Variants in KCNAB1 observed in about 807,000 individuals in gnomAD.
KCNAB1 encodes potassium voltage-gated channel subfamily A regulatory beta subunit 1, also known as voltage-gated potassium channel subunit beta-1.
KCNAB1 carries 35 observed loss-of-function variants against 64.6 expected under a neutral mutation model. The ratio of observed to expected loss-of-function variants is 0.54; its 90% CI spans 0.41 to 0.72. KCNAB1 has a LOEUF of 0.72. Among genes scored for constraint, KCNAB1 ranks in the 30% least tolerant of loss-of-function variants. The pLI is 0.00. For synonymous variants in KCNAB1, 177 were observed against 183.8 expected, an observed-to-expected ratio of 0.96 and a Z score of 0.30; for missense variants, 401 against 512.9, an observed-to-expected ratio of 0.78 and a Z score of 2.11.
intron 8 of KCNAB1, among the ~76,000 whole-genome samples, chr3:156,492,973 C>T (rs866000971): frequency 1.3e-5 from 2 of 152,124 alleles, no homozygotes; most frequent in Non-Finnish European, 2.9e-5. Context: ...AGCATTGACT[C>T]TTTAAATACT....
intron 2 of KCNAB1, among the ~76,000 whole-genome samples, chr3:156,433,025 C>T (rs1008093374): frequency 6.6e-6 from 1 of 152,134 alleles, no homozygotes; most frequent in African/African-American, 2.4e-5. Context: ...TTAGACACTG[C>T]GACTGACTCG....
chr3:156,228,536 C>T (rs1344908646), intron 1 of KCNAB1, among the ~76,000 whole-genome samples: 1 of 152,178 alleles, frequency 6.6e-6, no homozygotes, highest in African/African-American at 2.4e-5. Flanking sequence ...CCTGCCTCTT[C>T]GGGGTTCTAT....
intron 2 of KCNAB1, among the ~76,000 whole-genome samples, chr3:156,437,625 T>A (rs927372432): frequency 1.3e-5 from 2 of 152,212 alleles, no homozygotes; most frequent in Admixed American, 1.3e-4. Context: ...TATTTTTTTT[T>A]ATTTCACATT....
chr3:156,515,480 TC>T (rs2108393339), intron 10 of KCNAB1, among the ~76,000 whole-genome samples: 1 of 104,826 alleles, frequency 9.5e-6, no homozygotes, highest in African/African-American at 4.4e-5. Flanking sequence ...CAGCAGGTGT[TC>T]AAAAAAAAAA....
At chr3:156,217,370 T>A (rs2108404932) in intron 1 of KCNAB1, among the ~76,000 whole-genome samples, 1 of 152,338 alleles carries the variant, frequency 6.6e-6, no homozygotes, top group East Asian at 1.9e-4. Flanking sequence ...TAAAGTTTCA[T>A]GTCACATTAT....
intron 10 of KCNAB1, 21 bp from the exon 11 acceptor site, chr3:156,516,249 T>A (rs1165160448): frequency 8.2e-6 from 13 of 1,592,202 alleles, no homozygotes; most frequent in Non-Finnish European, 1.1e-5. Flanking sequence ...CAAGCAACTT[T>A]CTAAGTTTTT....
At chr3:156,443,988 A>G (rs1371840270) in intron 2 of KCNAB1, among the ~76,000 whole-genome samples, 2 of 152,198 alleles carry the variant, frequency 1.3e-5, no homozygotes, top group Non-Finnish European at 2.9e-5. Flanking sequence ...AAAGGTAATG[A>G]AAGTAAAAAA....
chr3:156,221,074 A>G (rs1286376508), intron 1 of KCNAB1, among the ~76,000 whole-genome samples: 2 of 152,180 alleles, frequency 1.3e-5, no homozygotes, highest in African/African-American at 2.4e-5. Flanking sequence ...CCATTGGTCT[A>G]TATCTCTGTT....
rs546127029 is a variant in KCNAB1, at chr3:156,395,311, C to A, written c.276-26305C>A. Among the ~76,000 whole-genome samples the A allele has an allele frequency of 4.7e-5, 7 of 149,440 alleles. No individual in the cohort carries two copies. The South Asian group carries it at 1.3e-3, about 27-fold the overall frequency. On this transcript the variant is annotated intron_variant, in intron 1 of 13. Coordinates refer to ENST00000490337, the MANE Select transcript of KCNAB1 (RefSeq NM_172160.3). ...CTGTAATCCCAGCACTTTGGGAGGC[C>A]GAGGCGGGCGGATCACGAGGTCAGG...
chr3:156,370,514 A>G (rs951974748), intron 1 of KCNAB1, among the ~76,000 whole-genome samples: 1 of 152,220 alleles, frequency 6.6e-6, no homozygotes, highest in East Asian at 1.9e-4. Context: ...ATGCCCCAGG[A>G]CACTAAGAGG....
At chr3:156,224,383 G>A (rs1338306069) in intron 1 of KCNAB1, among the ~76,000 whole-genome samples, 2 of 152,256 alleles carry the variant, frequency 1.3e-5, no homozygotes, top group Admixed American at 6.5e-5. Flanking sequence ...ACAGTGCAGC[G>A]GCGGGCTGAA....
intron 1 of KCNAB1, among the ~76,000 whole-genome samples, chr3:156,214,388 A>G (rs1299947851): frequency 3.9e-5 from 6 of 152,226 alleles, no homozygotes; most frequent in East Asian, 1.9e-4. Flanking sequence ...GGCACTTAGT[A>G]TCATCTGGTT....
chr3:156,143,018 C>A (rs1011338554), intron 1 of KCNAB1: 22 of 1,335,744 alleles, frequency 1.6e-5, no homozygotes, highest in Admixed American at 3.6e-5. Flanking sequence ...ACTTAGGAGC[C>A]TGCTCGCCTA....
intron 8 of KCNAB1, among the ~76,000 whole-genome samples, chr3:156,505,667 G>T (rs541907117): frequency 7.9e-5 from 12 of 152,068 alleles, no homozygotes; most frequent in Non-Finnish European, 1.5e-4. Context: ...TTGCTATAAA[G>T]AAATACCTGA....
intron 12 of KCNAB1, among the ~76,000 whole-genome samples, chr3:156,529,464 T>A (rs58308618): frequency 6.7e-6 from 1 of 148,944 alleles, no homozygotes; most frequent in Non-Finnish European, 1.5e-5. Flanking sequence ...ATTTTTGATG[T>A]ATAAATTTTA....
chr3:156,378,936 A>T (rs536274589), intron 1 of KCNAB1, among the ~76,000 whole-genome samples: 1 of 152,308 alleles, frequency 6.6e-6, no homozygotes, highest in African/African-American at 2.4e-5. Flanking sequence ...CTGGCATGGG[A>T]ACCATTCCAG....
At chr3:156,367,235 T>G (rs2060643) in intron 1 of KCNAB1, among the ~76,000 whole-genome samples, 60,072 of 149,162 alleles carry the variant, frequency 0.4, 14,665 homozygotes, top group African/African-American at 0.7. Context: ...GAGTGCAGTG[T>G]TGCAATCTTG....
rs113089193 is a variant in KCNAB1 at position 156,534,843 on chromosome 3, A to G, written c.1171-1815A>G. ...AATCTGTAGTAGTTTACAATGTTTC[A>G]AAGTGGGGCTTCTCTTGAAAATTCT... is the stretch of plus-strand genomic sequence containing the variant. On this transcript the variant is annotated intron_variant, in intron 13 of 13. Coordinates refer to ENST00000490337, the MANE Select transcript of KCNAB1 (RefSeq NM_172160.3). Among the ~76,000 whole-genome samples the G allele has an allele frequency of 3.0e-3, 451 of 152,262 alleles. 3 individuals carry two copies. The highest frequency in any genetic ancestry group is 0.01 in the African/African-American group (429 of 41,528).
intron 1 of KCNAB1, among the ~76,000 whole-genome samples, chr3:156,190,972 C>T (rs1040751948): frequency 9.2e-5 from 14 of 152,250 alleles, no homozygotes; most frequent in African/African-American, 3.1e-4. Flanking sequence ...GGATTACAGG[C>T]GTGAACTACT....
Sources: allele counts gnomAD v4.1 joint callset (sites outside exome capture counted in the v4.1 genomes callset), GRCh38; gene constraint gnomAD v4.1.1; transcripts MANE v1.5; gene names NCBI Gene and HGNC (gene_info 2026-07-23, HGNC 2026-07-21).